RNF180: variants seen among roughly 807,000 people sequenced by gnomAD.
The protein encoded by RNF180 is ring finger protein 180, also known as E3 ubiquitin-protein ligase RNF180.
In RNF180, 38 loss-of-function variants were observed where a neutral mutation model predicts 59.2. That is an observed-to-expected ratio of 0.64 (90% CI 0.50 to 0.84). The LOEUF is 0.84. RNF180 is among the 40% of genes least tolerant of loss of function. The pLI is 0.00. For missense variants in RNF180, 705 were observed against 700.9 expected, an observed-to-expected ratio of 1.01 and a Z score of -0.07; for synonymous variants, 262 against 240.3, an observed-to-expected ratio of 1.09 and a Z score of -0.84.
Position 64,370,762 on chromosome 5 carries a change from C to G in RNF180, c.*948C>G, listed in dbSNP as rs1746632966. On this transcript the variant is annotated 3_prime_UTR_variant, in exon 8 of 8. Coordinates refer to ENST00000389100, the MANE Select transcript of RNF180 (RefSeq NM_001113561.2). Reference sequence around the variant, plus strand: ...AAATAAGAGAACTGAATCATTAGAACATGGAATTGGGGCAGGTAACCCAAT... The same window carrying G: ...AAATAAGAGAACTGAATCATTAGAAGATGGAATTGGGGCAGGTAACCCAAT... The G allele has an allele frequency of 6.6e-6, 1 of 151,390 alleles. No homozygotes were observed. Among genetic ancestry groups the G allele is most frequent in the South Asian group, 2.1e-4 (1 of 4,814 alleles). The allele number at this position is 151,390 out of a possible 1,614,324, so 9.4% of individuals were successfully genotyped here. A position where few individuals can be genotyped will look rare whatever the true frequency, so the allele number is the denominator to read the frequency against.
intron 5 of RNF180, among the ~76,000 whole-genome samples, chr5:64,262,675 C>T (rs1438452820): frequency 6.6e-6 from 1 of 152,262 alleles, no homozygotes; most frequent in South Asian, 2.1e-4. Context: ...GAAACATGCA[C>T]TCATTCAAGA....
chr5:64,255,841 C>T (rs548550413), intron 5 of RNF180, among the ~76,000 whole-genome samples: 1 of 152,322 alleles, frequency 6.6e-6, no homozygotes, highest in African/African-American at 2.4e-5. Flanking sequence ...TCCTATTTCT[C>T]CACATCCTCT....
chr5:64,363,910 T>G (rs1310204125), intron 7 of RNF180, among the ~76,000 whole-genome samples: 4 of 151,876 alleles, frequency 2.6e-5, no homozygotes, highest in Non-Finnish European at 4.4e-5. Context: ...TGTATAGGGA[T>G]GCTAGTGAGT....
chr5:64,319,298 A>G (rs1744222249), intron 5 of RNF180, among the ~76,000 whole-genome samples: 1 of 152,186 alleles, frequency 6.6e-6, no homozygotes. Context: ...AATAAAGATT[A>G]TTCTTTATTT....
At chr5:64,269,069 C>T (rs1744855331) in intron 5 of RNF180, among the ~76,000 whole-genome samples, 1 of 152,116 alleles carries the variant, frequency 6.6e-6, no homozygotes, top group Non-Finnish European at 1.5e-5. Flanking sequence ...TTCTTTCCTT[C>T]CCATCTTTAA....
intron 7 of RNF180, among the ~76,000 whole-genome samples, chr5:64,363,685 C>A (rs1746342946): frequency 6.6e-6 from 1 of 151,814 alleles, no homozygotes; most frequent in Non-Finnish European, 1.5e-5. Flanking sequence ...GACAGTATGG[C>A]AATTTTAATG....
chr5:64,319,053 C>A (rs1256680845), intron 5 of RNF180, among the ~76,000 whole-genome samples: 1 of 151,834 alleles, frequency 6.6e-6, no homozygotes, highest in African/African-American at 2.4e-5. Flanking sequence ...ATGTACCACA[C>A]TAATGCAAGA....
intron 5 of RNF180, among the ~76,000 whole-genome samples, chr5:64,224,672 G>A (rs1741563808): frequency 6.6e-6 from 1 of 152,170 alleles, no homozygotes; most frequent in South Asian, 2.1e-4. Flanking sequence ...CAGGCACTGG[G>A]GGGAAATGTC....
At chr5:64,214,685 G>A (rs1387032711) in intron 4 of RNF180, among the ~76,000 whole-genome samples, 168 bp downstream of exon 4, 1 of 151,960 alleles carries the variant, frequency 6.6e-6, no homozygotes, top group Non-Finnish European at 1.5e-5. Context: ...ATTATAATTG[G>A]CATGTATAAC....
chr5:64,268,241 T>C (rs766687170), intron 5 of RNF180, among the ~76,000 whole-genome samples: 4 of 152,144 alleles, frequency 2.6e-5, no homozygotes, highest in Non-Finnish European at 4.4e-5. Context: ...TACTTTACAA[T>C]AGACACAGCA....
intron 5 of RNF180, among the ~76,000 whole-genome samples, chr5:64,268,861 G>C (rs1744840864): frequency 6.6e-6 from 1 of 152,074 alleles, no homozygotes; most frequent in South Asian, 2.1e-4. Context: ...GCTCTTCCTT[G>C]AACATGACTT....
In RNF180 at chr5:64,213,651, C is replaced by T. The variant is rs1399017932; in HGVS notation, c.325C>T (p.Gln109Ter). The T allele has an allele frequency of 6.2e-7, 1 of 1,613,984 alleles. No homozygotes were observed. Among genetic ancestry groups the T allele is most frequent in the East Asian group, 2.2e-5 (1 of 44,890 alleles). ...FVSTPKCSCG[Q>*]LAAVHLSKSR... Reference sequence around the variant, plus strand: ...CAGCACTCCAAAATGTTCCTGTGGCCAGCTTGCAGCTGTACATCTCTCCAA... The same window carrying T: ...CAGCACTCCAAAATGTTCCTGTGGCTAGCTTGCAGCTGTACATCTCTCCAA... Residue 109 changes from glutamine to a stop codon, truncating the protein, a stop_gained, in exon 4 of 8, where the codon CAG (glutamine) becomes TAG (stop). Coordinates refer to ENST00000389100, the MANE Select transcript of RNF180 (RefSeq NM_001113561.2). LOFTEE classifies it high-confidence loss of function.
intron 5 of RNF180, among the ~76,000 whole-genome samples, chr5:64,220,669 C>A (rs1741276198): frequency 6.6e-6 from 1 of 151,996 alleles, no homozygotes; most frequent in Non-Finnish European, 1.5e-5. Flanking sequence ...ATTTAAACAG[C>A]ATTTCATTCT....
At chr5:64,246,929 T>C (rs1434411853) in intron 5 of RNF180, among the ~76,000 whole-genome samples, 3 of 152,162 alleles carry the variant, frequency 2.0e-5, no homozygotes, top group African/African-American at 7.2e-5. Flanking sequence ...GTCAGCTTCA[T>C]CCCTGGGATG....
At chr5:64,245,024 C>T (rs1743065067) in intron 5 of RNF180, among the ~76,000 whole-genome samples, 1 of 152,192 alleles carries the variant, frequency 6.6e-6, no homozygotes, top group South Asian at 2.1e-4. Flanking sequence ...AAATCCTTTA[C>T]AGACAAGAAA....
intron 7 of RNF180, among the ~76,000 whole-genome samples, chr5:64,350,435 C>T (rs189271269): frequency 5.3e-5 from 8 of 152,000 alleles, no homozygotes; most frequent in Non-Finnish European, 8.8e-5. Flanking sequence ...TGTCAATTTT[C>T]GCTTTTGTTG....
chr5:64,226,359 T>TA (rs1741757134), intron 5 of RNF180, among the ~76,000 whole-genome samples: 1 of 152,218 alleles, frequency 6.6e-6, no homozygotes. Context: ...TCTATAACCT[T>TA]ACCCCCAACC....
chr5:64,338,710 C>G (rs1745234085), intron 7 of RNF180, among the ~76,000 whole-genome samples: 1 of 151,460 alleles, frequency 6.6e-6, no homozygotes, highest in Admixed American at 6.6e-5. Context: ...TGGTAAGTAC[C>G]CTTCATCAGG....
chr5:64,338,205 A>G lies in RNF180; in HGVS notation c.1579+7799A>G, dbSNP rs372816523. ...GTTTTTGTGGCTTTCAGTGAAGACAATATTAAATAAGGACAATTTTATATC... is the reference window on the plus strand; with the variant it reads ...GTTTTTGTGGCTTTCAGTGAAGACAGTATTAAATAAGGACAATTTTATATC... On this transcript the variant is annotated intron_variant, in intron 7 of 7. Coordinates refer to ENST00000389100, the MANE Select transcript of RNF180 (RefSeq NM_001113561.2). Among the ~76,000 whole-genome samples, 19 of 152,352 alleles carry G rather than the reference A, an allele frequency of 1.2e-4. No individual in the cohort carries two copies. In the South Asian group the frequency reaches 2.9e-3, roughly 23 times the overall value.
Sources: allele counts gnomAD v4.1 joint callset (sites outside exome capture counted in the v4.1 genomes callset), GRCh38; gene constraint gnomAD v4.1.1; transcripts MANE v1.5; gene names NCBI Gene and HGNC (gene_info 2026-07-23, HGNC 2026-07-21).